The following ACOT12 variants were observed in gnomAD, a reference collection of about 807,000 sequenced individuals.
ACOT12 encodes acetyl-coenzyme A thioesterase.
Under a neutral mutation model 67.7 loss-of-function variants are expected in ACOT12, and 51 were observed. The observed-to-expected ratio is 0.75, with a 90% CI of 0.60 to 0.95. The LOEUF is 0.95. Among genes scored for constraint, ACOT12 ranks in the 40% least tolerant of loss-of-function variants. The pLI is 0.00. For synonymous variants in ACOT12, 251 were observed against 244.6 expected, an observed-to-expected ratio of 1.03 and a Z score of -0.24; for missense variants, 734 against 708.1, an observed-to-expected ratio of 1.04 and a Z score of -0.41.
chr5:81,391,021 T>C (rs1386927026), intron 1 of ACOT12, among the ~76,000 whole-genome samples: 1 of 152,146 alleles, frequency 6.6e-6, no homozygotes, highest in Non-Finnish European at 1.5e-5. Context: ...GGTTTTGTTT[T>C]TGGTTTTGTT....
At chr5:81,311,633 A>G in the ACOT12 span, among the ~76,000 whole-genome samples, 1 of 152,246 alleles carries the variant, frequency 6.6e-6, no homozygotes, top group Non-Finnish European at 1.5e-5. Flanking sequence ...ATAACTTTCA[A>G]TAGCCTTAAT....
chr5:81,381,412 G>A, intron 2 of ACOT12, among the ~76,000 whole-genome samples: 1 of 152,112 alleles, frequency 6.6e-6, no homozygotes, highest in East Asian at 1.9e-4. Context: ...CCAAAATGCT[G>A]CTATGCAGCA....
the ACOT12 span, among the ~76,000 whole-genome samples, chr5:81,317,876 T>C: frequency 6.7e-6 from 1 of 150,190 alleles, no homozygotes; most frequent in Non-Finnish European, 1.5e-5. Flanking sequence ...GTTCTTATAC[T>C]TAGGTTCACA....
At chr5:81,340,957 C>A (rs1759175986) in intron 11 of ACOT12, among the ~76,000 whole-genome samples, 1 of 152,108 alleles carries the variant, frequency 6.6e-6, no homozygotes, top group Non-Finnish European at 1.5e-5. Context: ...TCATTGATAG[C>A]TCTCCCACAA....
At chr5:81,320,464 G>A in the ACOT12 span, among the ~76,000 whole-genome samples, 1 of 152,186 alleles carries the variant, frequency 6.6e-6, no homozygotes, top group African/African-American at 2.4e-5. Context: ...TGGCAGGGGA[G>A]AAAAATTGTC....
At chr5:81,372,064 T>C (rs574673700) in intron 2 of ACOT12, among the ~76,000 whole-genome samples, 3 of 152,338 alleles carry the variant, frequency 2.0e-5, no homozygotes, top group South Asian at 2.1e-4. Context: ...GCAGAGATAG[T>C]GTGCGACATG....
At chr5:81,346,026 G>A (rs1344581716) in intron 6 of ACOT12, 22 bp from the exon 7 acceptor site, 4 of 1,610,606 alleles carry the variant, frequency 2.5e-6, no homozygotes, top group Non-Finnish European at 2.5e-6. Context: ...AAGGGAGGGA[G>A]AGAGAAGAAA....
chr5:81,352,991 T>C (rs572847524), intron 5 of ACOT12, among the ~76,000 whole-genome samples: 12 of 152,220 alleles, frequency 7.9e-5, no homozygotes, highest in Non-Finnish European at 1.6e-4. Context: ...ACCCTGTGCA[T>C]GTACTATCTC....
intron 7 of ACOT12, 113 bp downstream of exon 7, chr5:81,345,772 G>T: frequency 7.2e-7 from 1 of 1,391,680 alleles, no homozygotes; most frequent in Non-Finnish European, 9.8e-7. Context: ...AAAATTGCAT[G>T]AAAAAAATGG....
At chr5:81,344,012 C>T in intron 9 of ACOT12, 131 bp from the exon 10 acceptor site, 1 of 1,215,586 alleles carries the variant, frequency 8.2e-7, no homozygotes, top group Non-Finnish European at 1.2e-6. Context: ...GAACTATTTC[C>T]ATAAGTCAGT....
At chr5:81,367,987 C>T (rs1760133448) in intron 3 of ACOT12, among the ~76,000 whole-genome samples, 2 of 152,080 alleles carry the variant, frequency 1.3e-5, no homozygotes, top group Non-Finnish European at 1.5e-5. Flanking sequence ...AGGGTCACAA[C>T]ATCAGGAAGA....
At position 81,344,919 on chromosome 5, in the gene ACOT12, G is replaced by T; in HGVS notation, c.896C>A (p.Thr299Lys). ...TGAAATGGGTTGGATTCTGGGAAAC[G>T]TGATGAGATTTTCCTTATCATCAGC... ...NAADDKENLI[T>K]FPRIQPISKD... The change falls in exon 8 of 15, where the codon ACG becomes AAG. Residue 299 changes from threonine (T) to lysine (K), a missense_variant. Physicochemically the swap from Thr to Lys is moderately conservative, Grantham distance 78. Transcript: ENST00000307624. 6.2e-7 allele frequency: 1 copy of T among 1,614,168 alleles called. No individual in the cohort carries two copies.
At chr5:81,388,674 C>G (rs913150162) in intron 1 of ACOT12, among the ~76,000 whole-genome samples, 2 of 152,184 alleles carry the variant, frequency 1.3e-5, no homozygotes, top group Non-Finnish European at 2.9e-5. Context: ...CTCATGGAGT[C>G]TAGTGGATGA....
At chr5:81,337,757 TG>T (rs2153845502) in intron 11 of ACOT12, among the ~76,000 whole-genome samples, 1 of 152,290 alleles carries the variant, frequency 6.6e-6, no homozygotes, top group African/African-American at 2.4e-5. Flanking sequence ...TCCAGAATTG[TG>T]AGACAATAGA....
the ACOT12 span, among the ~76,000 whole-genome samples, chr5:81,321,813 G>T: frequency 1.3e-5 from 2 of 152,098 alleles, no homozygotes; most frequent in African/African-American, 4.8e-5. Context: ...TGGGCATGGT[G>T]GTGCATGCCT....
At chr5:81,384,388 T>G (rs1238940167) in intron 2 of ACOT12, among the ~76,000 whole-genome samples, 3 of 152,052 alleles carry the variant, frequency 2.0e-5, no homozygotes, top group Non-Finnish European at 4.4e-5. Context: ...TCCACCCCCC[T>G]AGGCCTCCCA....
chr5:81,345,205 T>C (rs1320831808), intron 7 of ACOT12, among the ~76,000 whole-genome samples, 164 bp from the exon 8 acceptor site: 1 of 152,184 alleles, frequency 6.6e-6, no homozygotes, highest in Non-Finnish European at 1.5e-5. Context: ...TGTGCAACTA[T>C]TAAAATCCAT....
At position 81,343,880 on chromosome 5, in the gene ACOT12, T is replaced by C. The variant is rs766140292; in HGVS notation, c.982A>G (p.Lys328Glu). The C allele has an allele frequency of 5.0e-6, 8 of 1,612,280 alleles. No individual in the cohort carries two copies. In the East Asian group the frequency reaches 1.8e-4, roughly 36 times the overall value. ...IARKRIRLGR[K>E]YVISHKEEVP... ...TCTTCTTTGTGGGAAATAACATATT[T>C]TCTGGAAAAAAAAATTAAAGTGTTA... Residue 328 changes from lysine to glutamate, a missense_variant and splice_region_variant, in exon 10 of 15, where the codon AAA becomes GAA. Transcript: ENST00000307624.
intron 2 of ACOT12, among the ~76,000 whole-genome samples, chr5:81,374,418 C>A (rs904671575): frequency 6.6e-6 from 1 of 152,074 alleles, no homozygotes; most frequent in African/African-American, 2.4e-5. Flanking sequence ...TTCCAAAAAC[C>A]AGAATGCCTC....
Sources: allele counts gnomAD v4.1 joint callset (sites outside exome capture counted in the v4.1 genomes callset), GRCh38; gene constraint gnomAD v4.1.1; transcripts MANE v1.5; gene names NCBI Gene and HGNC (gene_info 2026-07-23, HGNC 2026-07-21).